The following GSN variants were observed in gnomAD, a reference collection of about 807,000 sequenced individuals.
GSN encodes the protein gelsolin.
In GSN, 56 loss-of-function variants were observed where a neutral mutation model predicts 85.7. That is an observed-to-expected ratio of 0.65 (90% CI 0.53 to 0.82). GSN has a LOEUF of 0.82. Ranked by LOEUF, GSN falls within the 40% of genes least tolerant of loss-of-function variation. The pLI, the probability that GSN is intolerant of heterozygous loss-of-function variation, is 0.00. For synonymous variants in GSN, 373 were observed against 399.1 expected, an observed-to-expected ratio of 0.93 and a Z score of 0.78; for missense variants, 857 against 979.8, an observed-to-expected ratio of 0.87 and a Z score of 1.67.
At chr9:121,267,459 C>A (rs1249848070), upstream of GSN, among the ~76,000 whole-genome samples, 1 of 152,188 alleles carries the variant, frequency 6.6e-6, no homozygotes, top group Non-Finnish European at 1.5e-5. Context: ...TGAGTCTTCT[C>A]AACCGCCCCA....
At chr9:121,208,666 C>G (rs1055419949) in intron 1 of GSN, among the ~76,000 whole-genome samples, 15 of 152,204 alleles carry the variant, frequency 9.9e-5, no homozygotes, top group African/African-American at 3.6e-4. Flanking sequence ...GAAGTTGTAC[C>G]TATTGCTTTT....
Position 121,318,802 on chromosome 9 carries a change from C to T in GSN, c.1113C>T (p.Phe371=), listed in dbSNP as rs200399610. Residue 371 remains phenylalanine, a synonymous_variant, in exon 10 of 18, where the codon TTC becomes TTT. Transcript: ENST00000432226. The surrounding 1 kb of genome is among the most constrained non-coding windows in gnomAD (Gnocchi z 4.3). ...TCGCCAACGTGGAGCGGGTGCCCTT[C>T]GACGCCGCCACCCTGCACACCTCCA... ...SHIANVERVP[F]DAATLHTSTA... is the part of the protein sequence containing the mutation. 19 of 1,613,974 alleles carry T rather than the reference C, an allele frequency of 1.2e-5. No homozygotes were observed. Among genetic ancestry groups the T allele is most frequent in the African/African-American group, 4.0e-5 (3 of 74,924 alleles).
intron 2 of GSN, among the ~76,000 whole-genome samples, chr9:121,300,829 C>A (rs1012685227): frequency 6.6e-6 from 1 of 152,058 alleles, no homozygotes; most frequent in Non-Finnish European, 1.5e-5. Flanking sequence ...TGGACTCAGC[C>A]ATTTGGACCC....
At chr9:121,239,335 G>T (rs1279689002) in intron 5 of GSN, 2 of 433,012 alleles carry the variant, frequency 4.6e-6, no homozygotes, top group African/African-American at 2.1e-5. Flanking sequence ...CCCAATAGTT[G>T]GGTCATTAGC....
rs762168001 is a variant in GSN at position 121,318,484 on chromosome 9, A to G, written c.965A>G (p.Lys322Arg). 2 of 1,612,586 alleles carry G rather than the reference A, an allele frequency of 1.2e-6. No homozygotes were observed. Among genetic ancestry groups the G allele is most frequent in the East Asian group, 2.2e-5 (1 of 44,846 alleles). The stretch of plus-strand genomic sequence containing the variant: ...TTCATCACCAAGATGGACTACCCCA[A>G]GCAGACTCAGGTGAGTCTTGGAGGC... ...SDFITKMDYP[K>R]QTQVSVLPEG... Residue 322 changes from lysine to arginine, a missense_variant, in exon 9 of 18, where the codon AAG becomes AGG. Transcript: ENST00000432226. The surrounding 1 kb of genome is among the most constrained non-coding windows in gnomAD (Gnocchi z 4.3).
intron 1 of GSN, among the ~76,000 whole-genome samples, chr9:121,268,807 G>T (rs149257780): frequency 7.3e-4 from 111 of 152,328 alleles, no homozygotes; most frequent in African/African-American, 2.5e-3. Context: ...TCACACGGAA[G>T]CTTCTTCTGG....
At chr9:121,256,952 T>G (rs1437438794) in intron 6 of GSN, among the ~76,000 whole-genome samples, 3 of 152,150 alleles carry the variant, frequency 2.0e-5, no homozygotes, top group African/African-American at 7.2e-5. Context: ...AAATTATAAT[T>G]AACAATAATT....
At chr9:121,326,480 G>T (rs778532403) in intron 12 of GSN, 32 bp from the exon 13 acceptor site, 1 of 1,598,978 alleles carries the variant, frequency 6.3e-7, no homozygotes, top group East Asian at 2.2e-5. Context: ...TGCCCCCAAG[G>T]TCCCTGACTT....
At chr9:121,254,254 T>C (rs1332299617) in intron 6 of GSN, among the ~76,000 whole-genome samples, 1 of 152,230 alleles carries the variant, frequency 6.6e-6, no homozygotes, top group Non-Finnish European at 1.5e-5. Context: ...CAGCTCAGCT[T>C]TGATCCTAAC....
At chr9:121,296,931 T>A (rs989927982) in intron 2 of GSN, among the ~76,000 whole-genome samples, 1 of 152,214 alleles carries the variant, frequency 6.6e-6, no homozygotes, top group Non-Finnish European at 1.5e-5. Flanking sequence ...TTTGTGATCA[T>A]TAACGTGGTC....
intron 5 of GSN, among the ~76,000 whole-genome samples, chr9:121,242,235 A>T (rs1164150373): frequency 6.6e-6 from 1 of 152,212 alleles, no homozygotes; most frequent in Non-Finnish European, 1.5e-5. Flanking sequence ...AATTACCATC[A>T]TTATTATTAC....
rs75481621 is a variant in GSN at position 121,286,343 on chromosome 9, A to G, written c.-10+4781A>G. On this transcript the variant is annotated intron_variant, in intron 2 of 17. Coordinates refer to ENST00000432226, the MANE Select transcript of GSN (RefSeq NM_198252.3). ...TCCAATTCTATTCTCTCCCTGCTTA[A>G]AAATCCTCAGTGTGTCCGGTCAGGC... Among the ~76,000 whole-genome samples, 2,396 of 152,308 alleles carry G rather than the reference A, an allele frequency of 0.016. 68 individuals are homozygous for G. Among genetic ancestry groups the G allele is most frequent in the African/African-American group, 0.055 (2,287 of 41,558 alleles).
chr9:121,263,138 C>A (rs1470186871), upstream of GSN, among the ~76,000 whole-genome samples: 1 of 152,176 alleles, frequency 6.6e-6, no homozygotes, highest in Non-Finnish European at 1.5e-5. Context: ...AAACGAAAGG[C>A]TCTTGGTGGA....
chr9:121,264,784 G>T (rs2055163921), upstream of GSN, among the ~76,000 whole-genome samples: 1 of 152,120 alleles, frequency 6.6e-6, no homozygotes, highest in Non-Finnish European at 1.5e-5. Context: ...CCACCCACAG[G>T]TTACAGTGGG....
chr9:121,271,774 G>A (rs2056006528), intron 1 of GSN, among the ~76,000 whole-genome samples: 3 of 152,194 alleles, frequency 2.0e-5, no homozygotes, highest in Admixed American at 2.0e-4. Context: ...CCATCCGCAG[G>A]ACCCTCAGTG....
At chr9:121,218,679 A>T (rs1281285479) in intron 4 of GSN, among the ~76,000 whole-genome samples, 1 of 152,172 alleles carries the variant, frequency 6.6e-6, no homozygotes, top group Non-Finnish European at 1.5e-5. Context: ...AGCTAATTTG[A>T]AAAAAAGACC....
Position 121,318,853 on chromosome 9 carries a change from G to A in GSN, c.1164G>A (p.Met388Ile), listed in dbSNP as rs1239273199. The A allele has an allele frequency of 6.2e-7, 1 of 1,614,040 alleles. No individual in the cohort carries two copies. The highest frequency in any genetic ancestry group is 1.1e-5 in the South Asian group (1 of 91,080). ...TSTAMAAQHG[M>I]DDDGTGQKQI... The stretch of plus-strand genomic sequence containing the variant: ...CTGCCATGGCCGCCCAGCACGGCAT[G>A]GATGACGATGGCACAGGCCAGAAAC... The change falls in exon 10 of 18, where the codon ATG (methionine) becomes ATA (isoleucine). Residue 388 changes from methionine to isoleucine, a missense_variant. Transcript: ENST00000432226. The surrounding 1 kb of genome is among the most constrained non-coding windows in gnomAD (Gnocchi z 4.3).
intron 14 of GSN, among the ~76,000 whole-genome samples, chr9:121,328,542 A>G (rs2063506959): frequency 6.6e-6 from 1 of 152,186 alleles, no homozygotes. Flanking sequence ...TGGTCTTAAC[A>G]CTTACCATCT....
intron 2 of GSN, among the ~76,000 whole-genome samples, chr9:121,287,692 C>CT (rs1295502792): frequency 2.4e-4 from 31 of 128,752 alleles, no homozygotes; most frequent in African/African-American, 5.3e-4. Context: ...CTTTTTTTTT[C>CT]TTTTTTTTTT....
Sources: allele counts gnomAD v4.1 joint callset (sites outside exome capture counted in the v4.1 genomes callset), GRCh38; gene constraint gnomAD v4.1.1; non-coding constraint Gnocchi (gnomAD v3.1); transcripts MANE v1.5; gene names NCBI Gene and HGNC (gene_info 2026-07-23, HGNC 2026-07-21).